CHRNA4: variants seen among roughly 807,000 people sequenced by gnomAD.
CHRNA4 encodes cholinergic receptor nicotinic alpha 4 subunit, also known as neuronal acetylcholine receptor subunit alpha-4.
A neutral mutation model predicts 48.9 loss-of-function variants in CHRNA4; 28 were observed. The ratio of observed to expected loss-of-function variants is 0.57; its 90% CI spans 0.42 to 0.79. The LOEUF (loss-of-function observed/expected upper bound fraction) is 0.79. Ranked by LOEUF, CHRNA4 falls within the 30% of genes least tolerant of loss-of-function variation. The pLI, the probability that CHRNA4 is intolerant of heterozygous loss-of-function variation, is 0.00. For missense variants in CHRNA4, 859 were observed against 898.4 expected, an observed-to-expected ratio of 0.96 and a Z score of 0.56; for synonymous variants, 425 against 402.3, an observed-to-expected ratio of 1.06 and a Z score of -0.68.
rs1316357676 is a variant in CHRNA4, at chr20:63,349,640, G to A, written c.1758+13C>T. The A allele has an allele frequency of 6.2e-7, 1 of 1,612,622 alleles. No homozygotes were observed. The highest frequency in any genetic ancestry group is 1.7e-5 in the Admixed American group (1 of 60,030). ...GGTCAGAGGCGCCCAACACAGCCAT[G>A]GGCGGGACTTACCGAGAAGTCTGTG... On this transcript the variant is annotated intron_variant, in intron 5 of 5. Coordinates refer to ENST00000370263, the MANE Select transcript of CHRNA4 (RefSeq NM_000744.7).
rs200751902 is a variant in CHRNA4, at chr20:63,344,501, A to T, written c.*2237T>A. ...GATTTTTTTTTTGAGCCTCAAAAAAAAAAAGAAAGGGAAAGGGGTCTTCCC... is the reference window on the plus strand; with the variant it reads ...GATTTTTTTTTTGAGCCTCAAAAAATAAAAGAAAGGGAAAGGGGTCTTCCC... On this transcript the variant is annotated 3_prime_UTR_variant, in exon 6 of 6. Transcript: ENST00000370263. This position sits in a 1 kb window ranked among gnomAD's most constrained non-coding sequence, Gnocchi z 4.5. 4.4e-6 allele frequency: 2 copies of T among 453,166 alleles called. No homozygotes were observed. 28.1% of individuals were successfully genotyped at this position (453,166 alleles called of 1,614,324 possible).
At chr20:63,351,253 T>TCCACGTCCACGCCCACGCCCACGC (rs2068610296) in intron 4 of CHRNA4, 1 of 377,002 alleles carries the variant, frequency 2.7e-6, no homozygotes, top group African/African-American at 3.4e-5. Context: ...CACGTCCACG[T>TCCACGTCCACGCCCACGCCCACGC]CCACGTCCAC....
chr20:63,359,918 T>G (rs1369592815), intron 1 of CHRNA4: 4 of 396,730 alleles, frequency 1.0e-5, no homozygotes, highest in Non-Finnish European at 1.8e-5. Context: ...TGTGTGTGTG[T>G]GTGTGTGTGT....
In CHRNA4 at chr20:63,344,026, A is replaced by G. The variant is rs6090378; in HGVS notation, c.*2712T>C. 29,362 of 454,120 alleles carry G rather than the reference A, an allele frequency of 0.065. 1,258 individuals are homozygous for G. The highest frequency in any genetic ancestry group is 0.12 in the South Asian group (7,821 of 64,478). 28.1% of individuals were successfully genotyped at this position (454,120 alleles called of 1,614,324 possible). A position where few individuals can be genotyped will look rare whatever the true frequency, so the allele number is the denominator to read the frequency against. ...GTGCCATGCACACACCGGCACCTCC[A>G]TTCCTAATCACCGACAGCTGCAAGC... On this transcript the variant is annotated 3_prime_UTR_variant, in exon 6 of 6. Coordinates refer to ENST00000370263, the MANE Select transcript of CHRNA4 (RefSeq NM_000744.7). This position sits in a 1 kb window ranked among gnomAD's most constrained non-coding sequence, Gnocchi z 4.5.
intron 5 of CHRNA4, among the ~76,000 whole-genome samples, chr20:63,347,154 T>C (rs1262030815): frequency 6.6e-6 from 1 of 152,174 alleles, no homozygotes; most frequent in Non-Finnish European, 1.5e-5. Context: ...CTCTGCACTA[T>C]GCCCTGTGTG....
intron 1 of CHRNA4, chr20:63,359,903 G>GTGTGTGCGCGCCGGGCGTGCGC (rs1555840797): frequency 9.0e-6 from 4 of 444,368 alleles, no homozygotes; most frequent in Admixed American, 3.5e-5. Context: ...TGTGCTGTGT[G>GTGTGTGCGCGCCGGGCGTGCGC]TGTGTGTGTG....
chr20:63,358,301 CA>C (rs1226317015), intron 2 of CHRNA4, among the ~76,000 whole-genome samples: 1 of 152,218 alleles, frequency 6.6e-6, no homozygotes, highest in Non-Finnish European at 1.5e-5. Context: ...CCACACCTCC[CA>C]AAAGCCCCTG....
At position 63,345,286 on chromosome 20, in the gene CHRNA4, C is replaced by T. The variant is rs201296471; in HGVS notation, c.*1452G>A. 7 of 453,406 alleles carry T rather than the reference C, an allele frequency of 1.5e-5. No homozygotes were observed. Among genetic ancestry groups the T allele is most frequent in the Non-Finnish European group, 2.6e-5 (6 of 226,446 alleles). 28.1% of individuals were successfully genotyped at this position (453,406 alleles called of 1,614,324 possible). A position where few individuals can be genotyped will look rare whatever the true frequency, so the allele number is the denominator to read the frequency against. The stretch of plus-strand genomic sequence containing the variant: ...CTGGCTGGATGGGGTCTGGGGGCAG[C>T]AGAATGTGGACCACTCAGCAGGAGG... On this transcript the variant is annotated 3_prime_UTR_variant, in exon 6 of 6. Coordinates refer to ENST00000370263, the MANE Select transcript of CHRNA4 (RefSeq NM_000744.7). This position sits in a 1 kb window ranked among gnomAD's most constrained non-coding sequence, Gnocchi z 5.4.
intron 1 of CHRNA4, chr20:63,359,940 C>T (rs1482866605): frequency 6.0e-5 from 24 of 398,384 alleles, no homozygotes; most frequent in African/African-American, 6.1e-5. Flanking sequence ...CCGGGCGTGG[C>T]GTGCGCTGAC....
chr20:63,361,037 C>T, intron 1 of CHRNA4, 53 bp downstream of exon 1: 2 of 1,362,120 alleles, frequency 1.5e-6, no homozygotes, highest in Non-Finnish European at 9.6e-7. Flanking sequence ...CTGGGGGTCC[C>T]AGGCCATCCG....
At position 63,350,183 on chromosome 20, in the gene CHRNA4, CACA is replaced by C. The variant is rs1475777049; in HGVS notation, c.1225_1227del (p.Cys409del). The C allele has an allele frequency of 6.3e-7, 1 of 1,592,684 alleles. No homozygotes were observed. The highest frequency in any genetic ancestry group is 1.7e-5 in the Admixed American group (1 of 57,592). ...GGCTCAGCCGGCACATCCAGGGGGA[CACA>C]GAAGGACGGTGAGGGCGGGTGCAGG... On this transcript the variant is annotated inframe_deletion, in exon 5 of 6. Coordinates refer to ENST00000370263, the MANE Select transcript of CHRNA4 (RefSeq NM_000744.7).
chr20:63,347,695 C>A (rs2068518539), intron 5 of CHRNA4, among the ~76,000 whole-genome samples: 1 of 152,262 alleles, frequency 6.6e-6, no homozygotes, highest in Admixed American at 6.5e-5. Flanking sequence ...GTCTCTGGCT[C>A]TGCCGTGTAG....
At position 63,349,654 on chromosome 20, in the gene CHRNA4, G is replaced by C. The variant is rs200644872; in HGVS notation, c.1757C>G (p.Ser586Trp). The change falls in exon 5 of 6, where the codon TCG (serine) becomes TGG (tryptophan). Residue 586 changes from serine to tryptophan, a missense_variant and splice_region_variant. This residue lies in a region of CHRNA4 where 478 missense variants were observed against 455.4 expected (regional missense o/e 1.05). Transcript: ENST00000370263. Reference protein sequence around the residue: ...DHLKAEDTDFSVKEDWKYVAM... With the variant: ...DHLKAEDTDFWVKEDWKYVAM... Reference sequence around the variant, plus strand: ...AACACAGCCATGGGCGGGACTTACCGAGAAGTCTGTGTCTTCGGCCTTCAG... The same window carrying C: ...AACACAGCCATGGGCGGGACTTACCCAGAAGTCTGTGTCTTCGGCCTTCAG... The C allele has an allele frequency of 1.2e-6, 2 of 1,612,760 alleles. No homozygotes were observed. Among genetic ancestry groups the C allele is most frequent in the African/African-American group, 1.3e-5 (1 of 75,058 alleles).
In CHRNA4 at chr20:63,350,063, G is replaced by T; in HGVS notation, c.1348C>A (p.Arg450Ser). Residue 450 changes from arginine to serine, a missense_variant, in exon 5 of 6, where the codon CGC (arginine) becomes AGC (serine). Transcript: ENST00000370263. ...GGTGCCTGGGTGCCGTGGGGCGGGC[G>T]GCAGGGTCCAGGCGAGGGGTGGGGG... Reference protein sequence around the residue: ...ASPHPSPGPCRPPHGTQAPGL... With the variant: ...ASPHPSPGPCSPPHGTQAPGL... The T allele has an allele frequency of 6.6e-7, 1 of 1,514,342 alleles. No homozygotes were observed. Among genetic ancestry groups the T allele is most frequent in the Non-Finnish European group, 8.9e-7 (1 of 1,129,780 alleles). 93.8% of individuals were successfully genotyped at this position (1,514,342 alleles called of 1,614,324 possible). A position where few individuals can be genotyped will look rare whatever the true frequency, so the allele number is the denominator to read the frequency against.
chr20:63,348,081 C>T (rs1469894331), intron 5 of CHRNA4, among the ~76,000 whole-genome samples: 1 of 152,200 alleles, frequency 6.6e-6, no homozygotes, highest in Non-Finnish European at 1.5e-5. Flanking sequence ...GAAACGCAGC[C>T]GCAGACCAAA....
intron 2 of CHRNA4, among the ~76,000 whole-genome samples, chr20:63,357,799 G>C (rs1022676230): frequency 6.6e-6 from 1 of 152,248 alleles, no homozygotes; most frequent in African/African-American, 2.4e-5. Flanking sequence ...AGGAGCGTCA[G>C]CACCCACGTG....
At chr20:63,359,812 A>G in intron 1 of CHRNA4, 113 bp from the exon 2 acceptor site, 16 of 1,272,612 alleles carry the variant, frequency 1.3e-5, no homozygotes, top group African/African-American at 3.2e-5. Flanking sequence ...ACTTCCTTTC[A>G]GCTCCTCACA....
intron 2 of CHRNA4, among the ~76,000 whole-genome samples, chr20:63,358,663 C>T (rs1240889209): frequency 6.6e-6 from 1 of 152,208 alleles, no homozygotes; most frequent in Non-Finnish European, 1.5e-5. Flanking sequence ...TCCCAGAGAC[C>T]ATGGCCTGCC....
Position 63,349,487 on chromosome 20 carries a change from T to C in CHRNA4, c.1758+166A>G, listed in dbSNP as rs995787866. 2.4e-5 allele frequency: 22 copies of C among 913,718 alleles called. No homozygotes were observed. The Admixed American group carries it at 3.9e-4, about 16-fold the overall frequency. The allele number at this position is 913,718 out of a possible 1,614,324, so 56.6% of individuals were successfully genotyped here. On this transcript the variant is annotated intron_variant, in intron 5 of 5. Transcript: ENST00000370263. ...GCTCAGCCTGGGACCTGCGGCCACA[T>C]AGCAGGCTTGGGAAGAGGCTGCTGC...
Sources: gnomAD v4.1 joint callset for allele counts (sites outside exome capture counted in the v4.1 genomes callset) on GRCh38, gnomAD v4.1.1 for gene constraint, gnomAD v4.1.1 regional missense constraint, Gnocchi (gnomAD v3.1) non-coding constraint, MANE v1.5 for transcripts, NCBI Gene and HGNC (gene_info 2026-07-23, HGNC 2026-07-21) for gene names.